The following R3HCC1L variants were observed in gnomAD, a reference collection of about 807,000 sequenced individuals.
The protein encoded by R3HCC1L is coiled-coil domain-containing protein R3HCC1L.
A neutral mutation model predicts 59.9 loss-of-function variants in R3HCC1L; 51 were observed. The observed-to-expected ratio is 0.85, with a 90% confidence interval of 0.68 to 1.07. The LOEUF (loss-of-function observed/expected upper bound fraction) is 1.07, where lower values mean the gene tolerates loss of function less well. Ranked by LOEUF, R3HCC1L falls within the 50% of genes least tolerant of loss-of-function variation. The pLI, the probability that R3HCC1L is intolerant of heterozygous loss-of-function variation, is 0.00. For missense variants in R3HCC1L, 965 were observed against 933.0 expected (o/e 1.03, Z -0.45); for synonymous variants, 322 against 315.2 (o/e 1.02, Z -0.23).
At chr10:98,239,492 A>G (rs1008832477) in intron 9 of R3HCC1L, among the ~76,000 whole-genome samples, 4 of 152,136 alleles carry the variant, frequency 2.6e-5, no homozygotes, top group African/African-American at 7.2e-5. Flanking sequence ...ACATAAAAAG[A>G]TACTCAGTAC....
At chr10:98,195,488 A>G (rs1851328279) in intron 4 of R3HCC1L, among the ~76,000 whole-genome samples, 1 of 151,736 alleles carries the variant, frequency 6.6e-6, no homozygotes, top group Admixed American at 6.6e-5. Flanking sequence ...AACGTCTATA[A>G]GCATACAAAA....
intron 9 of R3HCC1L, among the ~76,000 whole-genome samples, chr10:98,243,849 A>T (rs905740429): frequency 3.9e-5 from 6 of 152,236 alleles, no homozygotes; most frequent in Non-Finnish European, 5.9e-5. Flanking sequence ...GACTTATTCC[A>T]TATACTTCTA....
chr10:98,218,550 C>G (rs1474805780), intron 5 of R3HCC1L, among the ~76,000 whole-genome samples: 1 of 152,068 alleles, frequency 6.6e-6, no homozygotes, highest in Non-Finnish European at 1.5e-5. Context: ...CCAATGTTAT[C>G]TTTATGAAGT....
chr10:98,189,033 A>T (rs1850543478), intron 4 of R3HCC1L, among the ~76,000 whole-genome samples: 1 of 152,186 alleles, frequency 6.6e-6, no homozygotes, highest in South Asian at 2.1e-4. Flanking sequence ...GGCCAAAATA[A>T]ATATAAAGTT....
intron 6 of R3HCC1L, among the ~76,000 whole-genome samples, chr10:98,232,510 GAAAA>G (rs1258967026): frequency 1.3e-5 from 2 of 151,858 alleles, no homozygotes; most frequent in African/African-American, 4.8e-5. Context: ...TAGCTTATAA[GAAAA>G]AAATAAGCTT....
rs574187705 is a variant in R3HCC1L, at chr10:98,209,646, G to A, written c.1532G>A (p.Ser511Asn). 83 of 1,614,024 alleles carry A rather than the reference G, an allele frequency of 5.1e-5. No individual in the cohort carries two copies. The South Asian group carries it at 8.0e-4, about 16-fold the overall frequency. ...AGTGCCGTGGGCATTGACCTGGGTA[G>A]TACTGGTGATACAACAGAAGCATTG... ...SDSAVGIDLG[S>N]TGDTTEALHE... The change falls in exon 5 of 10, where the codon AGT becomes AAT. Residue 511 changes from serine to asparagine, a missense_variant. Transcript: ENST00000298999.
intron 4 of R3HCC1L, among the ~76,000 whole-genome samples, chr10:98,180,184 G>A (rs945925867): frequency 3.3e-5 from 5 of 152,030 alleles, no homozygotes; most frequent in Admixed American, 1.3e-4. Context: ...GCTTTCTCTT[G>A]TGGGCATTTA....
At chr10:98,231,734 C>T (rs1375142602) in intron 6 of R3HCC1L, 47 bp downstream of exon 6, 1 of 1,470,210 alleles carries the variant, frequency 6.8e-7, no homozygotes, top group East Asian at 2.4e-5. Context: ...GAGATGAAGT[C>T]TTTAAAAAAT....
At chr10:98,221,688 T>G (rs1854986581) in intron 5 of R3HCC1L, among the ~76,000 whole-genome samples, 1 of 152,106 alleles carries the variant, frequency 6.6e-6, no homozygotes, top group Non-Finnish European at 1.5e-5. Context: ...CAGATAGTTG[T>G]AGATATGCAG....
chr10:98,192,616 C>T (rs186698237), intron 4 of R3HCC1L, among the ~76,000 whole-genome samples: 3 of 152,086 alleles, frequency 2.0e-5, no homozygotes. Flanking sequence ...CTGAGCAGAC[C>T]CATAAGCAGT....
At chr10:98,201,076 GCATTTGTCCTGA>G (rs1446290197) in intron 4 of R3HCC1L, among the ~76,000 whole-genome samples, 1 of 152,124 alleles carries the variant, frequency 6.6e-6, no homozygotes, top group Non-Finnish European at 1.5e-5. Flanking sequence ...GAACAGCTAG[GCATTTGTCCTGA>G]CATTGAATGT....
In R3HCC1L at chr10:98,231,585, A is replaced by T; in HGVS notation, c.1859A>T (p.Asp620Val). The change falls in exon 6 of 10, where the codon GAT becomes GTT. Residue 620 changes from aspartate (D) to valine (V), a missense_variant. Coordinates refer to ENST00000298999, the MANE Select transcript of R3HCC1L (RefSeq NM_001351015.2). ...RSDYYNHEVP[D>V]IDLSDCEFPH... ...GATTACTACAATCATGAAGTTCCTG[A>T]TATTGACCTCAGTGATTGTGAATTC... 1 of 1,612,860 alleles carries T rather than the reference A, an allele frequency of 6.2e-7. No homozygotes were observed. The highest frequency in any genetic ancestry group is 1.3e-5 in the African/African-American group (1 of 75,022).
At chr10:98,242,632 A>G (rs1031063329) in intron 9 of R3HCC1L, among the ~76,000 whole-genome samples, 1 of 152,170 alleles carries the variant, frequency 6.6e-6, no homozygotes, top group African/African-American at 2.4e-5. Flanking sequence ...ATATTTTTCT[A>G]CTGCTCTCGA....
intron 1 of R3HCC1L, 132 bp from the exon 2 acceptor site, chr10:98,155,961 T>G (rs1301045405): frequency 6.6e-6 from 1 of 152,184 alleles, no homozygotes; most frequent in Non-Finnish European, 1.5e-5. Context: ...TACATTACTA[T>G]GCCTGTGCAA....
intron 1 of R3HCC1L, among the ~76,000 whole-genome samples, chr10:98,140,415 C>T (rs1433901202): frequency 6.6e-6 from 1 of 152,078 alleles, no homozygotes; most frequent in Non-Finnish European, 1.5e-5. Flanking sequence ...GACACCTACA[C>T]ACAGAGTCAT....
At chr10:98,165,670 A>G (rs1462367551) in intron 4 of R3HCC1L, among the ~76,000 whole-genome samples, 1 of 152,244 alleles carries the variant, frequency 6.6e-6, no homozygotes, top group Non-Finnish European at 1.5e-5. Context: ...TTCTTTCAGT[A>G]TGAGAATAGT....
intron 4 of R3HCC1L, among the ~76,000 whole-genome samples, chr10:98,181,564 G>C (rs1002759411): frequency 6.6e-6 from 1 of 152,162 alleles, no homozygotes; most frequent in Non-Finnish European, 1.5e-5. Flanking sequence ...ATGTTGGCCT[G>C]CCTTGCTAGG....
At chr10:98,213,713 T>C (rs1461330622) in intron 5 of R3HCC1L, among the ~76,000 whole-genome samples, 5 of 152,226 alleles carry the variant, frequency 3.3e-5, no homozygotes, top group Non-Finnish European at 5.9e-5. Flanking sequence ...GTTTTAGATT[T>C]ATTTAAAAAA....
chr10:98,163,447 T>G, intron 4 of R3HCC1L, 50 bp downstream of exon 4: 1 of 1,110,390 alleles, frequency 9.0e-7, no homozygotes, highest in Non-Finnish European at 1.2e-6. Context: ...GTCTGTTTAC[T>G]CTAAAGATTT....
Sources: allele counts gnomAD v4.1 joint callset (sites outside exome capture counted in the v4.1 genomes callset), GRCh38; gene constraint gnomAD v4.1.1; transcripts MANE v1.5; gene names NCBI Gene and HGNC (gene_info 2026-07-23, HGNC 2026-07-21).